Variants in ADAMTS6 observed in about 807,000 individuals in gnomAD.
ADAMTS6 encodes the protein ADAM metallopeptidase with thrombospondin type 1 motif 6, also known as A disintegrin and metalloproteinase with thrombospondin motifs 6.
A neutral mutation model predicts 144.3 loss-of-function variants in ADAMTS6; 23 were observed. That is an observed-to-expected ratio of 0.16 (90% CI 0.11 to 0.23). The LOEUF (loss-of-function observed/expected upper bound fraction) is 0.23. Among genes scored for constraint, ADAMTS6 ranks in the 10% least tolerant of loss-of-function variants. The probability of loss-of-function intolerance (pLI) is 1.00; values close to 1 mark genes in which losing one functional copy is unlikely to be tolerated. For missense variants in ADAMTS6, 999 were observed against 1,379.6 expected (o/e 0.72, Z 4.37); for synonymous variants, 444 against 457.5 (o/e 0.97, Z 0.38).
intron 9 of ADAMTS6, among the ~76,000 whole-genome samples, chr5:65,301,595 C>A (rs896452479): frequency 2.6e-5 from 4 of 152,160 alleles, no homozygotes; most frequent in African/African-American, 9.7e-5. Flanking sequence ...ATTATAGTAA[C>A]TCCATGGTGG....
chr5:65,159,207 C>T (rs1048665946), intron 24 of ADAMTS6, among the ~76,000 whole-genome samples: 2 of 152,164 alleles, frequency 1.3e-5, no homozygotes, highest in African/African-American at 4.8e-5. Context: ...TTAGTTCACG[C>T]CTCCATCCTC....
In ADAMTS6 at chr5:65,331,950, G is replaced by A. The variant is rs889244894; in HGVS notation, c.1117+2092C>T. ...AATAACTTATATTGAGCTTGAAAGT[G>A]CATTGACACATACCTATTAATGTAC... On this transcript the variant is annotated intron_variant, in intron 8 of 24. Coordinates refer to ENST00000381055, the MANE Select transcript of ADAMTS6 (RefSeq NM_197941.4). Among the ~76,000 whole-genome samples the A allele has an allele frequency of 5.9e-5, 9 of 151,864 alleles. No homozygotes were observed. The South Asian group carries it at 6.2e-4, about 11-fold the overall frequency.
At chr5:65,261,461 G>GT (rs75503504) in intron 13 of ADAMTS6, among the ~76,000 whole-genome samples, 44,364 of 151,892 alleles carry the variant, frequency 0.29, 6,728 homozygotes, top group Admixed American at 0.37. Context: ...TTATCACAGG[G>GT]TTTTTTATAC....
chr5:65,359,384 C>T (rs111774455), intron 7 of ADAMTS6, among the ~76,000 whole-genome samples: 4,336 of 152,196 alleles, frequency 0.028, 202 homozygotes, highest in African/African-American at 0.099. Flanking sequence ...GTTAGAATGG[C>T]TATCATCAAA....
At chr5:65,207,059 T>C (rs1756153516) in intron 20 of ADAMTS6, among the ~76,000 whole-genome samples, 2 of 152,204 alleles carry the variant, frequency 1.3e-5, no homozygotes, top group African/African-American at 4.8e-5. Context: ...TTAGTATATG[T>C]AAAATAAAAT....
intron 7 of ADAMTS6, among the ~76,000 whole-genome samples, chr5:65,431,539 C>T (rs981506004): frequency 1.2e-4 from 18 of 152,076 alleles, no homozygotes; most frequent in Admixed American, 1.1e-3. Flanking sequence ...AGATATGAGA[C>T]ACAAGCAAAC....
intron 22 of ADAMTS6, among the ~76,000 whole-genome samples, chr5:65,182,569 G>A (rs954851852): frequency 2.0e-5 from 3 of 151,958 alleles, no homozygotes; most frequent in South Asian, 2.1e-4. Flanking sequence ...TCCATGAAGT[G>A]AGTACTGTTA....
chr5:65,371,642 T>C (rs1411352016), intron 7 of ADAMTS6, among the ~76,000 whole-genome samples: 15 of 152,168 alleles, frequency 9.9e-5, no homozygotes, highest in Admixed American at 2.0e-4. Flanking sequence ...AATCTACGTC[T>C]GATTGGTGTA....
intron 5 of ADAMTS6, among the ~76,000 whole-genome samples, chr5:65,452,471 A>AAAC (rs1554094014): frequency 6.6e-6 from 1 of 151,876 alleles, no homozygotes; most frequent in African/African-American, 2.4e-5. Flanking sequence ...TTAAAAAAAA[A>AAAC]AAAAAACCCT....
chr5:65,197,532 A>T (rs1715930923), intron 20 of ADAMTS6, among the ~76,000 whole-genome samples: 1 of 152,246 alleles, frequency 6.6e-6, no homozygotes, highest in Admixed American at 6.5e-5. Flanking sequence ...CAAAACAATG[A>T]TTGTATATTT....
intron 24 of ADAMTS6, among the ~76,000 whole-genome samples, chr5:65,158,417 C>T (rs1467594127): frequency 2.0e-5 from 3 of 152,272 alleles, no homozygotes; most frequent in African/African-American, 4.8e-5. Context: ...GGATTGGTTA[C>T]CAGCCCATGG....
chr5:65,315,612 T>C (rs1005378433), intron 9 of ADAMTS6, among the ~76,000 whole-genome samples: 2 of 151,850 alleles, frequency 1.3e-5, no homozygotes, highest in African/African-American at 4.9e-5. Flanking sequence ...AGATCTGCCA[T>C]AAATATAAAG....
intron 5 of ADAMTS6, 61 bp from the exon 6 acceptor site, chr5:65,452,277 G>T: frequency 2.1e-6 from 3 of 1,453,886 alleles, no homozygotes; most frequent in South Asian, 2.4e-5. Context: ...GTGATAGTTT[G>T]GTTTTTTAAG....
chr5:65,423,956 ATTT>A (rs1247849899), intron 7 of ADAMTS6, among the ~76,000 whole-genome samples: 4 of 152,132 alleles, frequency 2.6e-5, no homozygotes, highest in Non-Finnish European at 5.9e-5. Context: ...ATTTATCTTA[ATTT>A]TTTTCTTTCT....
chr5:65,270,539 G>T (rs889850441), intron 12 of ADAMTS6, among the ~76,000 whole-genome samples: 2 of 152,140 alleles, frequency 1.3e-5, no homozygotes, highest in African/African-American at 4.8e-5. Flanking sequence ...AGTTAATAAG[G>T]TTATTCTGAG....
chr5:65,334,528 G>A (rs16893700), intron 7 of ADAMTS6, among the ~76,000 whole-genome samples: 7,562 of 152,130 alleles, frequency 0.05, 646 homozygotes, highest in African/African-American at 0.17. Flanking sequence ...ACTATTTGGA[G>A]TTGCTTTAAC....
rs1192729854 is a variant in ADAMTS6 at position 65,149,642 on chromosome 5, T to A, written c.*2194A>T. 6.6e-6 allele frequency: 1 copy of A among 152,606 alleles called. No individual in the cohort carries two copies. The highest frequency in any genetic ancestry group is 2.4e-5 in the African/African-American group (1 of 41,432). 9.5% of individuals were successfully genotyped at this position (152,606 alleles called of 1,614,324 possible). A position where few individuals can be genotyped will look rare whatever the true frequency, so the allele number is the denominator to read the frequency against. ...TCGGTAATAAGAAATCTTTTTGAAA[T>A]AAGAACATGAGCTGATATTTATGTT... On this transcript the variant is annotated 3_prime_UTR_variant, in exon 25 of 25. Coordinates refer to ENST00000381055, the MANE Select transcript of ADAMTS6 (RefSeq NM_197941.4).
chr5:65,256,985 CTT>C (rs545846781), intron 14 of ADAMTS6, among the ~76,000 whole-genome samples: 224 of 88,624 alleles, frequency 2.5e-3, no homozygotes, highest in African/African-American at 0.011. Flanking sequence ...CTCTCTCTCT[CTT>C]TTTTTTTTTT....
chr5:65,286,127 T>C (rs1763345394), intron 11 of ADAMTS6, among the ~76,000 whole-genome samples: 1 of 152,176 alleles, frequency 6.6e-6, no homozygotes, highest in Non-Finnish European at 1.5e-5. Context: ...ATGAAAACAT[T>C]TATTGAATGT....
Sources: allele counts gnomAD v4.1 joint callset (sites outside exome capture counted in the v4.1 genomes callset), GRCh38; gene constraint gnomAD v4.1.1; transcripts MANE v1.5; gene names NCBI Gene and HGNC (gene_info 2026-07-23, HGNC 2026-07-21).